The following STUM variants were observed in gnomAD, a reference collection of about 807,000 sequenced individuals.
STUM encodes the protein protein stum homolog.
STUM carries 8 observed loss-of-function variants against 15.3 expected under a neutral mutation model. The ratio of observed to expected loss-of-function variants is 0.52; its 90% CI spans 0.31 to 0.94. STUM has a LOEUF of 0.94. Among genes scored for constraint, STUM ranks in the 40% least tolerant of loss-of-function variants. STUM has a pLI of 0.05. For missense variants in STUM, 142 were observed against 204.9 expected, an observed-to-expected ratio of 0.69 and a Z score of 1.87; for synonymous variants, 78 against 88.7, an observed-to-expected ratio of 0.88 and a Z score of 0.68.
intron 1 of STUM, among the ~76,000 whole-genome samples, chr1:226,554,073 G>GTGAT (rs1667412306): frequency 1.3e-5 from 2 of 152,188 alleles, no homozygotes; most frequent in Admixed American, 6.5e-5. Flanking sequence ...GTTTGGCCAC[G>GTGAT]TGACTCGCTT....
intron 1 of STUM, among the ~76,000 whole-genome samples, chr1:226,570,313 T>C (rs1033545719): frequency 2.6e-5 from 4 of 152,216 alleles, no homozygotes; most frequent in Non-Finnish European, 5.9e-5. Flanking sequence ...TTTATGGAGC[T>C]GTGTGTTTAA....
chr1:226,606,953 A>C lies in STUM; in HGVS notation c.*4913A>C, dbSNP rs912592616. On this transcript the variant is annotated 3_prime_UTR_variant, in exon 4 of 4. Coordinates refer to ENST00000366788, the MANE Select transcript of STUM (RefSeq NM_001003665.4). ...TTGGAAATGATGCCGTCACCTCCAC[A>C]CTCCTGCTGTTCCAGCCTCTGCAGG... 6.6e-6 allele frequency: 1 copy of C among 151,870 alleles called. No individual in the cohort carries two copies. The highest frequency in any genetic ancestry group is 2.4e-5 in the African/African-American group (1 of 41,318). 9.4% of individuals were successfully genotyped at this position (151,870 alleles called of 1,614,324 possible).
At chr1:226,557,098 A>G (rs981083871) in intron 1 of STUM, among the ~76,000 whole-genome samples, 7 of 152,222 alleles carry the variant, frequency 4.6e-5, no homozygotes, top group Admixed American at 1.3e-4. Context: ...TACTTCTCCC[A>G]TGATTTTGTA....
Position 226,597,293 on chromosome 1 carries a change from A to G in STUM, c.382+312A>G, listed in dbSNP as rs1404445418. On this transcript the variant is annotated intron_variant, in intron 2 of 3. Transcript: ENST00000366788. ...AAAGTTACAAAATCAAGTTTACCAAAGACAACTCAGTTACCCTTTCTAAAA... is the reference window on the plus strand; with the variant it reads ...AAAGTTACAAAATCAAGTTTACCAAGGACAACTCAGTTACCCTTTCTAAAA... 3 of 550,842 alleles carry G rather than the reference A, an allele frequency of 5.4e-6. No homozygotes were observed. The African/African-American group carries it at 5.7e-5, about 10-fold the overall frequency. 34.1% of individuals were successfully genotyped at this position (550,842 alleles called of 1,614,324 possible).
At chr1:226,598,017 G>T (rs1228332363) in intron 2 of STUM, among the ~76,000 whole-genome samples, 1 of 152,218 alleles carries the variant, frequency 6.6e-6, no homozygotes, top group Non-Finnish European at 1.5e-5. Context: ...GGAGGGGTGT[G>T]CTCAGGGCAG....
rs1428554991 is a variant in STUM, at chr1:226,552,070, G to A, written c.202+2964G>A. The stretch of plus-strand genomic sequence containing the variant: ...AGAGGGCAGTTTTTGCTGAATGAAG[G>A]CTCGTTTTTTATTTTTATTTTTTCC... On this transcript the variant is annotated intron_variant, in intron 1 of 3. Transcript: ENST00000366788. The surrounding 1 kb of genome is among the most constrained non-coding windows in gnomAD (Gnocchi z 4.7). Among the ~76,000 whole-genome samples the A allele has an allele frequency of 6.6e-6, 1 of 152,142 alleles. No individual in the cohort carries two copies. Among genetic ancestry groups the A allele is most frequent in the Non-Finnish European group, 1.5e-5 (1 of 68,032 alleles).
At chr1:226,599,484 T>C (rs538649214) in intron 2 of STUM, among the ~76,000 whole-genome samples, 9 of 152,342 alleles carry the variant, frequency 5.9e-5, no homozygotes, top group African/African-American at 2.2e-4. Flanking sequence ...TAGAAGACAG[T>C]TGGATAAGGG....
In STUM at chr1:226,562,982, G is replaced by A. The variant is rs558764162; in HGVS notation, c.202+13876G>A. Reference sequence around the variant, plus strand: ...TAAAGAAATAAAGAGCCATGATGTCGGCAGCTTATTCACAAATGGTTCAGA... The same window carrying A: ...TAAAGAAATAAAGAGCCATGATGTCAGCAGCTTATTCACAAATGGTTCAGA... On this transcript the variant is annotated intron_variant, in intron 1 of 3. Transcript: ENST00000366788. Among the ~76,000 whole-genome samples the A allele has an allele frequency of 1.2e-4, 18 of 152,168 alleles. 1 individual carries two copies. The highest frequency in any genetic ancestry group is 5.9e-4 in the Admixed American group (9 of 15,292).
chr1:226,575,248 G>A (rs561552940), intron 1 of STUM, among the ~76,000 whole-genome samples: 22 of 152,390 alleles, frequency 1.4e-4, no homozygotes, highest in African/African-American at 5.0e-4. Flanking sequence ...GAATGGGCCA[G>A]GACAGCAGAA....
chr1:226,555,142 A>C (rs1667425595), intron 1 of STUM, among the ~76,000 whole-genome samples: 1 of 152,134 alleles, frequency 6.6e-6, no homozygotes. Flanking sequence ...GCCTCTCTTG[A>C]CAACCTCTAA....
In STUM at chr1:226,608,535, T is replaced by C. The variant is rs1668398212; in HGVS notation, c.*6495T>C. On this transcript the variant is annotated 3_prime_UTR_variant, in exon 4 of 4. Transcript: ENST00000366788. The surrounding 1 kb of genome is among the most constrained non-coding windows in gnomAD (Gnocchi z 4.0). ...ATGAGTGTTGTGTTGTGATTTGCAGTGTTTTGACACCGTGATTGGCTTTGT... is the reference window on the plus strand; with the variant it reads ...ATGAGTGTTGTGTTGTGATTTGCAGCGTTTTGACACCGTGATTGGCTTTGT... 6.6e-6 allele frequency: 1 copy of C among 152,224 alleles called. No homozygotes were observed. Among genetic ancestry groups the C allele is most frequent in the South Asian group, 2.1e-4 (1 of 4,830 alleles). The allele number at this position is 152,224 out of a possible 1,614,324, so 9.4% of individuals were successfully genotyped here. A position where few individuals can be genotyped will look rare whatever the true frequency, so the allele number is the denominator to read the frequency against.
intron 1 of STUM, among the ~76,000 whole-genome samples, chr1:226,596,275 C>T (rs935019882): frequency 2.0e-5 from 3 of 151,526 alleles, no homozygotes; most frequent in Admixed American, 6.6e-5. Context: ...ACTACTACTA[C>T]ACTGTAGGCT....
At chr1:226,579,628 C>CTT (rs772749044) in intron 1 of STUM, among the ~76,000 whole-genome samples, 3,719 of 129,426 alleles carry the variant, frequency 0.029, 10 homozygotes, top group African/African-American at 0.034. Flanking sequence ...GGCCTTATTT[C>CTT]TTTTTCTTTT....
Position 226,559,845 on chromosome 1 carries a change from T to C in STUM, c.202+10739T>C, listed in dbSNP as rs1001983222. Among the ~76,000 whole-genome samples, 9 of 151,676 alleles carry C rather than the reference T, an allele frequency of 5.9e-5. No homozygotes were observed. In the East Asian group the frequency reaches 7.8e-4, roughly 13 times the overall value. ...AAAATTAGCCGGGCATGGTGGCGGG[T>C]GCCTGTAGTCCCAGCTACTTGGGAG... On this transcript the variant is annotated intron_variant, in intron 1 of 3. Transcript: ENST00000366788.
chr1:226,585,773 G>T (rs955849231), intron 1 of STUM, among the ~76,000 whole-genome samples: 3 of 152,146 alleles, frequency 2.0e-5, no homozygotes, highest in African/African-American at 7.2e-5. Context: ...CTGAATACAT[G>T]GAAAAATGAA....
rs1224423086 is a variant in STUM, at chr1:226,593,042, C to T, written c.203-3760C>T. Reference sequence around the variant, plus strand: ...CTCGACTAAAAATACAAAAATTAGCCGGGCATGATGGTGCATGCCTGTAAT... The same window carrying T: ...CTCGACTAAAAATACAAAAATTAGCTGGGCATGATGGTGCATGCCTGTAAT... On this transcript the variant is annotated intron_variant, in intron 1 of 3. Coordinates refer to ENST00000366788, the MANE Select transcript of STUM (RefSeq NM_001003665.4). 2.0e-5 allele frequency among the ~76,000 whole-genome samples: 3 copies of T among 152,104 alleles called. 1 individual carries two copies. Among genetic ancestry groups the T allele is most frequent in the South Asian group, 4.1e-4 (2 of 4,832 alleles).
At chr1:226,586,293 C>G (rs1365369260) in intron 1 of STUM, among the ~76,000 whole-genome samples, 2 of 152,192 alleles carry the variant, frequency 1.3e-5, no homozygotes, top group African/African-American at 2.4e-5. Flanking sequence ...TGAACTCCCA[C>G]TGGTGCCTGG....
chr1:226,558,055 C>T (rs2102686895), intron 1 of STUM, among the ~76,000 whole-genome samples: 1 of 152,302 alleles, frequency 6.6e-6, no homozygotes, highest in South Asian at 2.1e-4. Flanking sequence ...AGTTGAAAGC[C>T]TTTCCTCTAA....
intron 1 of STUM, among the ~76,000 whole-genome samples, chr1:226,573,360 T>G (rs777432776): frequency 6.6e-6 from 1 of 152,154 alleles, no homozygotes; most frequent in Non-Finnish European, 1.5e-5. Flanking sequence ...ACTCTTTCAG[T>G]TAAAAGTGTT....
Sources: allele counts gnomAD v4.1 joint callset (sites outside exome capture counted in the v4.1 genomes callset), GRCh38; gene constraint gnomAD v4.1.1; non-coding constraint Gnocchi (gnomAD v3.1); transcripts MANE v1.5; gene names NCBI Gene and HGNC (gene_info 2026-07-23, HGNC 2026-07-21).